Variants in THADA observed in about 807,000 individuals in gnomAD.
THADA encodes the protein tRNA (32-2'-O)-methyltransferase regulator THADA.
A neutral mutation model predicts 219.8 loss-of-function variants in THADA; 213 were observed. The observed-to-expected ratio is 0.97, with a 90% CI of 0.87 to 1.09. THADA has a LOEUF of 1.09. Ranked by LOEUF, THADA falls within the 50% of genes least tolerant of loss-of-function variation. The pLI is 0.00. For missense variants in THADA, 2,956 were observed against 2,311.3 expected (o/e 1.28, Z -5.72); for synonymous variants, 1,018 against 828.9 (o/e 1.23, Z -3.92).
chr2:43,563,481 A>G (rs375607864), intron 15 of THADA: 2 of 152,186 alleles, frequency 1.3e-5, no homozygotes, highest in African/African-American at 2.4e-5. Context: ...TCTTGTATCT[A>G]CATAATGTAC....
At chr2:43,515,270 A>AATATATT (rs1691480261) in intron 22 of THADA, among the ~76,000 whole-genome samples, 1 of 20,500 alleles carries the variant, frequency 4.9e-5, no homozygotes, top group Non-Finnish European at 9.5e-5. Context: ...TATAATATAT[A>AATATATT]ATATATAATA....
At chr2:43,405,051 A>G (rs1381767260) in intron 28 of THADA, among the ~76,000 whole-genome samples, 2 of 152,242 alleles carry the variant, frequency 1.3e-5, no homozygotes, top group African/African-American at 4.8e-5. Flanking sequence ...ACAGGCTCCA[A>G]GTGCTCACAG....
intron 34 of THADA, among the ~76,000 whole-genome samples, chr2:43,287,734 T>C (rs1472584198): frequency 1.3e-5 from 2 of 152,140 alleles, no homozygotes; most frequent in Admixed American, 6.5e-5. Context: ...GCCCCTCCTA[T>C]AGTAAAAGAA....
intron 25 of THADA, chr2:43,492,246 G>A (rs1399573847): frequency 1.3e-5 from 2 of 151,660 alleles, no homozygotes; most frequent in Non-Finnish European, 2.9e-5. Context: ...CTGGGAGGTG[G>A]AGGTTGCAGT....
intron 30 of THADA, among the ~76,000 whole-genome samples, chr2:43,329,584 G>C (rs865903917): frequency 6.6e-5 from 10 of 152,144 alleles, no homozygotes; most frequent in South Asian, 2.1e-4. Flanking sequence ...AAATTCTTAA[G>C]AAGGAAGAAA....
intron 26 of THADA, among the ~76,000 whole-genome samples, chr2:43,448,977 C>T (rs921962538): frequency 7.9e-5 from 12 of 152,014 alleles, no homozygotes; most frequent in African/African-American, 2.4e-4. Flanking sequence ...GGGCGGGGAA[C>T]CCAACAGGAA....
chr2:43,251,159 A>G (rs1464928843), intron 36 of THADA, among the ~76,000 whole-genome samples: 2 of 152,176 alleles, frequency 1.3e-5, no homozygotes, highest in African/African-American at 4.8e-5. Context: ...AATCACCTGC[A>G]TGGTAAGACT....
In THADA at chr2:43,282,430, T is replaced by G. The variant is rs538224498; in HGVS notation, c.5165-2534A>C. ...TTATTGGTCTGAACTCCTACAACAT[T>G]TAAAATTTGGATCTCACTATCTAAA... is the stretch of plus-strand genomic sequence containing the variant. On this transcript the variant is annotated intron_variant, in intron 35 of 37. Coordinates refer to ENST00000405975, the MANE Select transcript of THADA (RefSeq NM_022065.5). 6.6e-5 allele frequency among the ~76,000 whole-genome samples: 10 copies of G among 152,268 alleles called. No homozygotes were observed. The South Asian group carries it at 2.1e-3, about 32-fold the overall frequency.
chr2:43,560,679 A>G (rs1281460238), intron 15 of THADA, among the ~76,000 whole-genome samples: 1 of 152,220 alleles, frequency 6.6e-6, no homozygotes, highest in Non-Finnish European at 1.5e-5. Flanking sequence ...GTAAATTTAG[A>G]AACACATCTT....
At chr2:43,347,701 T>C (rs1349452625) in intron 29 of THADA, among the ~76,000 whole-genome samples, 1 of 152,168 alleles carries the variant, frequency 6.6e-6, no homozygotes, top group East Asian at 1.9e-4. Context: ...AGTTCAATTT[T>C]TCCCTAAATC....
intron 31 of THADA, among the ~76,000 whole-genome samples, chr2:43,310,228 C>A (rs920357727): frequency 1.3e-4 from 14 of 110,402 alleles, no homozygotes; most frequent in Admixed American, 2.4e-4. Flanking sequence ...CCTTTCCCGC[C>A]CCCCCCCCAA....
intron 28 of THADA, among the ~76,000 whole-genome samples, chr2:43,400,470 T>TATATATATATATATATATATATATAA (rs1273903312): frequency 9.8e-5 from 14 of 143,438 alleles, no homozygotes; most frequent in African/African-American, 2.6e-5. Flanking sequence ...TATATATATA[T>TATATATATATATATATATATATATAA]ATATATAAAT....
chr2:43,459,120 C>A (rs1683342057), intron 26 of THADA, among the ~76,000 whole-genome samples: 1 of 152,152 alleles, frequency 6.6e-6, no homozygotes, highest in South Asian at 2.1e-4. Flanking sequence ...TCCTGTTATA[C>A]CTGTGTTTAA....
chr2:43,350,885 A>C (rs1021505172), intron 29 of THADA, among the ~76,000 whole-genome samples: 3 of 152,208 alleles, frequency 2.0e-5, no homozygotes, highest in Non-Finnish European at 4.4e-5. Context: ...TGCTGCCAGG[A>C]AAAGGATGCT....
chr2:43,413,614 T>C (rs1027779377), intron 28 of THADA, among the ~76,000 whole-genome samples: 2 of 152,226 alleles, frequency 1.3e-5, no homozygotes, highest in Non-Finnish European at 2.9e-5. Context: ...AAGTGACCCA[T>C]TGCCACTTCT....
At chr2:43,278,670 A>G (rs1673001588) in intron 36 of THADA, among the ~76,000 whole-genome samples, 1 of 152,158 alleles carries the variant, frequency 6.6e-6, no homozygotes, top group African/African-American at 2.4e-5. Context: ...GATTATTCCA[A>G]AACTAGCTTC....
chr2:43,466,915 G>A (rs1684306545), intron 26 of THADA, among the ~76,000 whole-genome samples: 1 of 149,052 alleles, frequency 6.7e-6, no homozygotes, highest in African/African-American at 2.5e-5. Flanking sequence ...GGGCACGGTG[G>A]CTCACGCCTG....
chr2:43,593,548 A>G (rs903720617), intron 1 of THADA, among the ~76,000 whole-genome samples: 1 of 152,236 alleles, frequency 6.6e-6, no homozygotes, highest in Non-Finnish European at 1.5e-5. Flanking sequence ...GCCTGGAGAA[A>G]AAGTCAACAG....
In THADA at chr2:43,549,269, A is replaced by G; in HGVS notation, c.3047T>C (p.Phe1016Ser). ...ACTAGCATTCAAGTCCTTCATATCAAAGCTATCATGTTCTTTCAATATTTT... is the reference window on the plus strand; with the variant it reads ...ACTAGCATTCAAGTCCTTCATATCAGAGCTATCATGTTCTTTCAATATTTT... ...QAKILKEHDS[F>S]DMKDLNASVV... Residue 1016 changes from phenylalanine (F) to serine (S), a missense_variant, in exon 20 of 38, where the codon TTT becomes TCT. Physicochemically the swap from Phe to Ser is radical, Grantham distance 155 (BLOSUM62 -2). Transcript: ENST00000405975. 6.3e-7 allele frequency: 1 copy of G among 1,595,568 alleles called. No homozygotes were observed. Among genetic ancestry groups the G allele is most frequent in the South Asian group, 1.1e-5 (1 of 87,772 alleles).
Sources: gnomAD v4.1 joint callset for allele counts (sites outside exome capture counted in the v4.1 genomes callset) on GRCh38, gnomAD v4.1.1 for gene constraint, MANE v1.5 for transcripts, NCBI Gene and HGNC (gene_info 2026-07-23, HGNC 2026-07-21) for gene names.